ST3GAL3: variants seen among roughly 807,000 people sequenced by gnomAD.
ST3GAL3 encodes the protein ST3 beta-galactoside alpha-2,3-sialyltransferase 3.
A neutral mutation model predicts 50.1 loss-of-function variants in ST3GAL3; 21 were observed. That is an observed-to-expected ratio of 0.42 (90% CI 0.30 to 0.60). The LOEUF is 0.60. Among genes scored for constraint, ST3GAL3 ranks in the 20% least tolerant of loss-of-function variants. The pLI, the probability that ST3GAL3 is intolerant of heterozygous loss-of-function variation, is 0.19. For synonymous variants in ST3GAL3, 183 were observed against 190.0 expected (o/e 0.96, Z 0.30); for missense variants, 353 against 489.4 (o/e 0.72, Z 2.63).
intron 4 of ST3GAL3, among the ~76,000 whole-genome samples, chr1:43,821,351 T>C (rs1321799102): frequency 3.9e-5 from 6 of 152,064 alleles, no homozygotes; most frequent in Non-Finnish European, 8.8e-5. Context: ...CCATGAAGTA[T>C]AGATGAAAGA....
At chr1:43,875,983 T>C (rs1418931911) in intron 5 of ST3GAL3, among the ~76,000 whole-genome samples, 2 of 148,220 alleles carry the variant, frequency 1.3e-5, no homozygotes, top group Admixed American at 6.8e-5. Context: ...TATTATTATT[T>C]TTGAGACAGG....
At chr1:43,734,802 TATTTATACATC>T (rs1677657270) in intron 1 of ST3GAL3, among the ~76,000 whole-genome samples, 1 of 152,218 alleles carries the variant, frequency 6.6e-6, no homozygotes, top group East Asian at 1.9e-4. Context: ...CCATTATTAA[TATTTATACATC>T]ATTTTTTTCT....
intron 9 of ST3GAL3, among the ~76,000 whole-genome samples, chr1:43,909,986 G>T (rs1192139640): frequency 6.6e-6 from 1 of 152,188 alleles, no homozygotes; most frequent in Non-Finnish European, 1.5e-5. Flanking sequence ...ACATGATGCT[G>T]CCAAGAGTGC....
At chr1:43,740,694 G>C (rs1316392943) in intron 2 of ST3GAL3, among the ~76,000 whole-genome samples, 1 of 151,980 alleles carries the variant, frequency 6.6e-6, no homozygotes, top group Non-Finnish European at 1.5e-5. Flanking sequence ...TGTACGGCGA[G>C]TGGTATAGCT....
At chr1:43,765,384 C>T (rs1193991653) in intron 2 of ST3GAL3, among the ~76,000 whole-genome samples, 4 of 152,186 alleles carry the variant, frequency 2.6e-5, no homozygotes, top group African/African-American at 7.2e-5. Context: ...CTGCAGCGCA[C>T]GTTCCACAGA....
chr1:43,864,174 G>A (rs549406465), intron 5 of ST3GAL3, among the ~76,000 whole-genome samples: 4 of 152,340 alleles, frequency 2.6e-5, no homozygotes, highest in African/African-American at 9.6e-5. Context: ...AGCTACTTGA[G>A]AGGCTGAGGC....
chr1:43,891,686 A>G (rs190859769), intron 5 of ST3GAL3, among the ~76,000 whole-genome samples: 277 of 152,386 alleles, frequency 1.8e-3, no homozygotes, highest in Non-Finnish European at 2.8e-3. Context: ...AAAAAGCCTC[A>G]TTAATCATTC....
intron 4 of ST3GAL3, among the ~76,000 whole-genome samples, chr1:43,815,240 G>C (rs1266294899): frequency 6.6e-6 from 1 of 152,172 alleles, no homozygotes; most frequent in Non-Finnish European, 1.5e-5. Context: ...GCAGGGTAGA[G>C]GACAGTTGAG....
chr1:43,846,831 A>G (rs1035769266), intron 5 of ST3GAL3, among the ~76,000 whole-genome samples: 2 of 152,194 alleles, frequency 1.3e-5, no homozygotes, highest in African/African-American at 4.8e-5. Context: ...TCAATTATTT[A>G]AAATAATTTA....
chr1:43,759,086 C>A (rs1303007661), intron 2 of ST3GAL3, among the ~76,000 whole-genome samples: 1 of 151,296 alleles, frequency 6.6e-6, no homozygotes, highest in Non-Finnish European at 1.5e-5. Context: ...CACACACACA[C>A]ACACACACAC....
intron 2 of ST3GAL3, among the ~76,000 whole-genome samples, chr1:43,749,033 G>A (rs1225739150): frequency 1.3e-5 from 2 of 152,164 alleles, no homozygotes; most frequent in Non-Finnish European, 2.9e-5. Flanking sequence ...AGACAGAATA[G>A]AGTCCAGAAA....
At chr1:43,762,457 A>G (rs1472880680) in intron 2 of ST3GAL3, among the ~76,000 whole-genome samples, 12 of 152,020 alleles carry the variant, frequency 7.9e-5, no homozygotes, top group Admixed American at 6.6e-4. Flanking sequence ...GTGGGAGACA[A>G]TACTTTTAAT....
chr1:43,808,159 C>G (rs1030072224), intron 3 of ST3GAL3, among the ~76,000 whole-genome samples: 1 of 152,002 alleles, frequency 6.6e-6, no homozygotes, highest in Non-Finnish European at 1.5e-5. Context: ...AAAAAATTAG[C>G]CAGGCATAGT....
At chr1:43,799,104 T>C (rs1170626497) in intron 3 of ST3GAL3, among the ~76,000 whole-genome samples, 1 of 152,218 alleles carries the variant, frequency 6.6e-6, no homozygotes, top group South Asian at 2.1e-4. Flanking sequence ...AAATTATGTA[T>C]GTACGTTCAT....
intron 11 of ST3GAL3, among the ~76,000 whole-genome samples, chr1:43,923,583 A>C (rs1023673307): frequency 1.3e-5 from 2 of 152,056 alleles, no homozygotes; most frequent in African/African-American, 4.8e-5. Context: ...TGCTTTCCTC[A>C]TATGATGGAA....
intron 2 of ST3GAL3, among the ~76,000 whole-genome samples, chr1:43,753,875 G>T (rs3791043): frequency 0.35 from 53,778 of 151,914 alleles, 10,423 homozygotes; most frequent in African/African-American, 0.52. Flanking sequence ...CCTCCTGCTG[G>T]ACCTGGAAGG....
chr1:43,878,470 G>A (rs1558694191), intron 5 of ST3GAL3, among the ~76,000 whole-genome samples: 1 of 152,210 alleles, frequency 6.6e-6, no homozygotes, highest in Non-Finnish European at 1.5e-5. Context: ...CAAGGGAAAT[G>A]AGAGATTTGA....
intron 2 of ST3GAL3, among the ~76,000 whole-genome samples, chr1:43,748,509 G>A (rs1035231491): frequency 1.4e-5 from 2 of 144,862 alleles, no homozygotes; most frequent in African/African-American, 2.6e-5. Context: ...GCTTACTGCA[G>A]CCTCAACCTC....
chr1:43,731,033 C>T (rs1036771000), intron 1 of ST3GAL3, among the ~76,000 whole-genome samples: 1 of 151,656 alleles, frequency 6.6e-6, no homozygotes, highest in African/African-American at 2.4e-5. Context: ...GATACTTAGT[C>T]TTATTTTTTT....
Sources: gnomAD v4.1 joint callset for allele counts (sites outside exome capture counted in the v4.1 genomes callset) on GRCh38, gnomAD v4.1.1 for gene constraint, MANE v1.5 for transcripts, NCBI Gene and HGNC (gene_info 2026-07-23, HGNC 2026-07-21) for gene names.